The following GOLM1 variants were observed in gnomAD, a reference collection of about 807,000 sequenced individuals.
The protein encoded by GOLM1 is epididymis luminal protein 46.
GOLM1 carries 31 observed loss-of-function variants against 50.5 expected under a neutral mutation model. That is an observed-to-expected ratio of 0.61 (90% CI 0.46 to 0.83). The LOEUF (loss-of-function observed/expected upper bound fraction) is 0.83. GOLM1 is among the 40% of genes least tolerant of loss of function. GOLM1 has a pLI of 0.00. For synonymous variants in GOLM1, 178 were observed against 192.8 expected (o/e 0.92, Z 0.64); for missense variants, 491 against 501.3 (o/e 0.98, Z 0.20).
At chr9:86,079,171 A>G (rs752641534) in intron 2 of GOLM1, 21 bp downstream of exon 2, 1 of 1,503,910 alleles carries the variant, frequency 6.6e-7, no homozygotes, top group Non-Finnish European at 8.9e-7. Flanking sequence ...AATAAACATA[A>G]CAATAAAGAA....
intron 3 of GOLM1, among the ~76,000 whole-genome samples, chr9:86,073,251 G>C (rs1834504295): frequency 6.6e-6 from 1 of 151,826 alleles, no homozygotes; most frequent in African/African-American, 2.4e-5. Context: ...GTATGAATAT[G>C]TGTATGTTTA....
At chr9:86,033,655 C>T (rs1208300881) in intron 8 of GOLM1, among the ~76,000 whole-genome samples, 2 of 152,152 alleles carry the variant, frequency 1.3e-5, no homozygotes, top group Non-Finnish European at 2.9e-5. Flanking sequence ...GAGAAACTAA[C>T]AACCCAAATC....
intron 9 of GOLM1, 33 bp from the exon 10 acceptor site, chr9:86,027,926 G>T (rs751759056): frequency 7.7e-7 from 1 of 1,290,864 alleles, no homozygotes; most frequent in Non-Finnish European, 1.1e-6. Context: ...ATTCTATAGA[G>T]TATTAAATGA....
At chr9:86,044,130 T>C (rs565656132) in intron 5 of GOLM1, among the ~76,000 whole-genome samples, 17 of 152,334 alleles carry the variant, frequency 1.1e-4, no homozygotes, top group Admixed American at 1.1e-3. Context: ...CCCTGACCTC[T>C]ACCCACTAGA....
At chr9:86,093,521 G>C (rs1211028097) in intron 1 of GOLM1, among the ~76,000 whole-genome samples, 1 of 150,026 alleles carries the variant, frequency 6.7e-6, no homozygotes, top group Non-Finnish European at 1.5e-5. Context: ...AGTGAGTTGA[G>C]ATTGCGTCAC....
At chr9:86,035,826 G>C (rs1398536271) in intron 7 of GOLM1, among the ~76,000 whole-genome samples, 15 of 135,478 alleles carry the variant, frequency 1.1e-4, no homozygotes, top group Admixed American at 8.2e-5. Flanking sequence ...TGTGCCTGCA[G>C]CTCATCGTCA....
chr9:86,093,343 T>C (rs1835242324), intron 1 of GOLM1, among the ~76,000 whole-genome samples: 3 of 146,090 alleles, frequency 2.1e-5, no homozygotes, highest in Non-Finnish European at 1.5e-5. Context: ...CGCCACTCAC[T>C]CTAGCCTGAG....
Position 86,026,490 on chromosome 9 carries a change from G to A in GOLM1, c.*1327C>T, listed in dbSNP as rs1377652242. 8 of 906,052 alleles carry A rather than the reference G, an allele frequency of 8.8e-6. No homozygotes were observed. The highest frequency in any genetic ancestry group is 7.9e-6 in the Non-Finnish European group (6 of 757,830). 56.1% of individuals were successfully genotyped at this position (906,052 alleles called of 1,614,324 possible). A position where few individuals can be genotyped will look rare whatever the true frequency, so the allele number is the denominator to read the frequency against. ...TCTGTGTGAGGCCAGGGGTGCCAGC[G>A]CACCAGCTAGATGCTCTGTAACTTC... On this transcript the variant is annotated 3_prime_UTR_variant, in exon 10 of 10. Coordinates refer to ENST00000388712, the MANE Select transcript of GOLM1 (RefSeq NM_016548.4).
rs34420567 is a variant in GOLM1, at chr9:86,093,375, CA to C, written c.-22+6035del. Among the ~76,000 whole-genome samples, 976 of 109,242 alleles carry C rather than the reference CA, an allele frequency of 8.9e-3. 10 individuals carry two copies. The highest frequency in any genetic ancestry group is 0.027 in the African/African-American group (787 of 29,346). The allele number at this position is 109,242 out of a possible 152,430, so 71.7% of individuals were successfully genotyped here. A position where few individuals can be genotyped will look rare whatever the true frequency, so the allele number is the denominator to read the frequency against. ...TGAGTGACAGAGCGAGATTCTGCCT[CA>C]AAAAAAAAAAAAAAAAAAGAAACAA... On this transcript the variant is annotated intron_variant, in intron 1 of 9. Coordinates refer to ENST00000388712, the MANE Select transcript of GOLM1 (RefSeq NM_016548.4).
intron 4 of GOLM1, among the ~76,000 whole-genome samples, chr9:86,047,992 T>C (rs539437844): frequency 1.3e-5 from 2 of 152,064 alleles, no homozygotes; most frequent in African/African-American, 2.4e-5. Context: ...ACTCGTCATT[T>C]ACAATAGGTA....
In GOLM1 at chr9:86,027,677, G is replaced by T; in HGVS notation, c.*140C>A. 1.4e-6 allele frequency: 2 copies of T among 1,419,790 alleles called. No individual in the cohort carries two copies. The highest frequency in any genetic ancestry group is 9.2e-7 in the Non-Finnish European group (1 of 1,087,882). 87.9% of individuals were successfully genotyped at this position (1,419,790 alleles called of 1,614,324 possible). A position where few individuals can be genotyped will look rare whatever the true frequency, so the allele number is the denominator to read the frequency against. ...CATTCCATTTTTTCCTACACAAAGT[G>T]CATACTAAAATTTCACAATAATCAT... is the stretch of plus-strand genomic sequence containing the variant. On this transcript the variant is annotated 3_prime_UTR_variant, in exon 10 of 10. Transcript: ENST00000388712.
chr9:86,044,102 T>C (rs1358418864), intron 5 of GOLM1, among the ~76,000 whole-genome samples: 1 of 152,214 alleles, frequency 6.6e-6, no homozygotes, highest in East Asian at 1.9e-4. Flanking sequence ...TTGTGGATTA[T>C]AGGATGTTTA....
chr9:86,027,960 A>AT, intron 9 of GOLM1, 67 bp from the exon 10 acceptor site: 2 of 898,846 alleles, frequency 2.2e-6, no homozygotes. Flanking sequence ...GGCAGGTCCC[A>AT]TTTTCTTATC....
At position 86,057,509 on chromosome 9, in the gene GOLM1, G is replaced by A. The variant is rs367587756; in HGVS notation, c.310-4918C>T. 1.1e-4 allele frequency among the ~76,000 whole-genome samples: 17 copies of A among 152,184 alleles called. 1 individual carries two copies. Among genetic ancestry groups the A allele is most frequent in the Middle Eastern group, 3.4e-3 (1 of 294 alleles). On this transcript the variant is annotated intron_variant, in intron 3 of 9. Transcript: ENST00000388712. ...CCGGCTCCCACCTGTGGGCTCACCC[G>A]AGCCGGGGTGCAGCTGAGGCCACTG...
chr9:86,087,906 T>C (rs1835029942), intron 1 of GOLM1, among the ~76,000 whole-genome samples: 1 of 152,178 alleles, frequency 6.6e-6, no homozygotes, highest in South Asian at 2.1e-4. Context: ...TTTTCTTTTT[T>C]TGTTGTGTTT....
chr9:86,089,771 C>T (rs1242320746), intron 1 of GOLM1, among the ~76,000 whole-genome samples: 5 of 152,174 alleles, frequency 3.3e-5, no homozygotes, highest in African/African-American at 1.2e-4. Flanking sequence ...TCATCAAACT[C>T]ATTCTCTGTC....
upstream of GOLM1, among the ~76,000 whole-genome samples, chr9:86,099,757 G>T (rs1325792084): frequency 6.6e-6 from 1 of 152,022 alleles, no homozygotes. Context: ...CTCGCCGCTG[G>T]GCGTTGCCCC....
At chr9:86,030,300 G>A (rs1293745468) in intron 9 of GOLM1, among the ~76,000 whole-genome samples, 1 of 151,708 alleles carries the variant, frequency 6.6e-6, no homozygotes, top group African/African-American at 2.4e-5. Context: ...TAAATGAGTG[G>A]AGTCAATGAC....
intron 1 of GOLM1, among the ~76,000 whole-genome samples, chr9:86,097,321 AC>A (rs1214598386): frequency 5.3e-5 from 8 of 152,138 alleles, no homozygotes; most frequent in Non-Finnish European, 8.8e-5. Context: ...TGTTCCTTCT[AC>A]TTTTTTACAA....
Sources: gnomAD v4.1 joint callset for allele counts (sites outside exome capture counted in the v4.1 genomes callset) on GRCh38, gnomAD v4.1.1 for gene constraint, MANE v1.5 for transcripts, NCBI Gene and HGNC (gene_info 2026-07-23, HGNC 2026-07-21) for gene names.